The following PDE1C variants were observed in gnomAD, a reference collection of about 807,000 sequenced individuals.
The protein encoded by PDE1C is dual specificity calcium/calmodulin-dependent 3',5'-cyclic nucleotide phosphodiesterase 1C.
A neutral mutation model predicts 93.1 loss-of-function variants in PDE1C; 62 were observed. The observed-to-expected ratio is 0.67, with a 90% confidence interval of 0.54 to 0.82. PDE1C has a LOEUF of 0.82. Ranked by LOEUF, PDE1C falls within the 40% of genes least tolerant of loss-of-function variation. The pLI, the probability that PDE1C is intolerant of heterozygous loss-of-function variation, is 0.00. For missense variants in PDE1C, 742 were observed against 884.6 expected (o/e 0.84, Z 2.04); for synonymous variants, 325 against 310.1 (o/e 1.05, Z -0.50).
the PDE1C span, among the ~76,000 whole-genome samples, chr7:31,738,597 C>T: frequency 6.6e-6 from 1 of 152,134 alleles, no homozygotes; most frequent in African/African-American, 2.4e-5. Context: ...GAAAAGCAAC[C>T]CAGCTAGGAG....
chr7:31,944,964 C>T (rs974074432), intron 2 of PDE1C, among the ~76,000 whole-genome samples: 3 of 152,078 alleles, frequency 2.0e-5, no homozygotes, highest in South Asian at 2.1e-4. Flanking sequence ...CTGCTCTTTT[C>T]CTGTTGTTTT....
intron 5 of PDE1C, among the ~76,000 whole-genome samples, chr7:31,876,524 A>C (rs1796607373): frequency 6.6e-6 from 1 of 152,230 alleles, no homozygotes. Context: ...TCTTGGTACC[A>C]GTATACCCTC....
At chr7:31,855,926 T>G (rs183661171) in intron 7 of PDE1C, among the ~76,000 whole-genome samples, 35 of 152,056 alleles carry the variant, frequency 2.3e-4, no homozygotes, top group African/African-American at 8.4e-4. Flanking sequence ...GCTTAGAATC[T>G]AATGAACATC....
At chr7:31,797,064 C>T (rs1785390675) in intron 16 of PDE1C, among the ~76,000 whole-genome samples, 1 of 151,664 alleles carries the variant, frequency 6.6e-6, no homozygotes, top group South Asian at 2.1e-4. Flanking sequence ...TAGAAAACAC[C>T]TGCTAAACCA....
rs1192595367 is a variant in PDE1C, at chr7:32,178,227, C to A, written c.137-8271G>T. ...GCCAGAATCTAATCTGCTACTCATTCCTGCCTTAGAAGGATCACCATGGGC... is the reference window on the plus strand; with the variant it reads ...GCCAGAATCTAATCTGCTACTCATTACTGCCTTAGAAGGATCACCATGGGC... On this transcript the variant is annotated intron_variant, in intron 2 of 18. Transcript: ENST00000396193. Among the ~76,000 whole-genome samples the A allele has an allele frequency of 3.3e-5, 5 of 152,190 alleles. No individual in the cohort carries two copies. In the East Asian group the frequency reaches 7.7e-4, roughly 24 times the overall value.
chr7:31,918,361 C>A (rs1424794357), intron 2 of PDE1C, among the ~76,000 whole-genome samples: 3 of 152,154 alleles, frequency 2.0e-5, no homozygotes, highest in African/African-American at 7.2e-5. Flanking sequence ...AAATAGTATT[C>A]ATTTGTGTGT....
chr7:31,864,380 A>C lies in PDE1C; in HGVS notation c.750+562T>G, dbSNP rs1795030614. Among the ~76,000 whole-genome samples the C allele has an allele frequency of 2.0e-5, 3 of 152,224 alleles. No individual in the cohort carries two copies. In the South Asian group the frequency reaches 6.2e-4, roughly 32 times the overall value. ...TCTTAAAAAAAAATTTTTAAAGCAAAACCAAAAACATCTAAAGCGCTAAAA... is the reference window on the plus strand; with the variant it reads ...TCTTAAAAAAAAATTTTTAAAGCAACACCAAAAACATCTAAAGCGCTAAAA... On this transcript the variant is annotated intron_variant, in intron 7 of 17. Transcript: ENST00000396191.
intron 2 of PDE1C, among the ~76,000 whole-genome samples, chr7:31,979,107 T>C (rs1251497180): frequency 6.6e-6 from 1 of 152,192 alleles, no homozygotes; most frequent in Non-Finnish European, 1.5e-5. Context: ...TAATAAAACA[T>C]AGCCTTAGAA....
intron 3 of PDE1C, 72 bp from the exon 4 acceptor site, chr7:31,879,250 C>T (rs1198697343): frequency 3.8e-5 from 55 of 1,436,914 alleles, no homozygotes; most frequent in Non-Finnish European, 5.1e-5. Flanking sequence ...AAAGCAGCTG[C>T]TCCTCTCTGC....
At chr7:32,056,099 G>C (rs993657990) in intron 1 of PDE1C, among the ~76,000 whole-genome samples, 2 of 151,992 alleles carry the variant, frequency 1.3e-5, no homozygotes, top group Non-Finnish European at 2.9e-5. Flanking sequence ...CAAATCTCAA[G>C]ATTTCATGTA....
At chr7:32,135,173 C>G (rs1800134141) in intron 3 of PDE1C, among the ~76,000 whole-genome samples, 1 of 152,120 alleles carries the variant, frequency 6.6e-6, no homozygotes, top group African/African-American at 2.4e-5. Flanking sequence ...AACACTAAAA[C>G]ACCAAGGAAA....
intron 14 of PDE1C, among the ~76,000 whole-genome samples, chr7:31,816,629 A>G (rs1583454277): frequency 6.6e-6 from 1 of 152,184 alleles, no homozygotes; most frequent in Non-Finnish European, 1.5e-5. Flanking sequence ...CTGCAGCTTC[A>G]TGTGGGCTTG....
At chr7:31,651,292 AAAGT>A in the PDE1C span, 1 of 1,610,056 alleles carries the variant, frequency 6.2e-7, no homozygotes, top group Non-Finnish European at 8.5e-7. Context: ...GGGAGCCATA[AAAGT>A]AAGTACCAGC....
At chr7:32,208,225 T>C (rs1429037397) in intron 2 of PDE1C, among the ~76,000 whole-genome samples, 2 of 121,044 alleles carry the variant, frequency 1.7e-5, no homozygotes, top group Admixed American at 9.3e-5. Flanking sequence ...CAAAAAGAGC[T>C]GGGAGGCAGA....
chr7:32,126,065 G>A (rs1799561450), intron 3 of PDE1C, among the ~76,000 whole-genome samples: 1 of 151,982 alleles, frequency 6.6e-6, no homozygotes, highest in Non-Finnish European at 1.5e-5. Flanking sequence ...GATAACTTGA[G>A]GAATGAAACA....
At chr7:31,621,571 C>A in the PDE1C span, among the ~76,000 whole-genome samples, 288 of 147,648 alleles carry the variant, frequency 2.0e-3, 1 homozygote, top group African/African-American at 6.9e-3. Context: ...GATTTTGTCA[C>A]CACCAGGCCT....
chr7:31,874,111 T>C (rs1796260269), intron 5 of PDE1C, among the ~76,000 whole-genome samples: 1 of 152,184 alleles, frequency 6.6e-6, no homozygotes, highest in African/African-American at 2.4e-5. Context: ...CTGGAGTCAC[T>C]AGTCTGGGAT....
intron 2 of PDE1C, among the ~76,000 whole-genome samples, chr7:31,978,893 C>T (rs1390186598): frequency 2.0e-5 from 3 of 152,162 alleles, no homozygotes; most frequent in Non-Finnish European, 4.4e-5. Flanking sequence ...AGTTTCATCA[C>T]ATTCGGAAAG....
At chr7:32,253,563 G>A (rs17161083) in intron 1 of PDE1C, among the ~76,000 whole-genome samples, 2,900 of 152,234 alleles carry the variant, frequency 0.019, 48 homozygotes, top group South Asian at 0.068. Context: ...ATTTCCAAAG[G>A]GTCCTGATTA....
Sources: allele counts gnomAD v4.1 joint callset (sites outside exome capture counted in the v4.1 genomes callset), GRCh38; gene constraint gnomAD v4.1.1; transcripts MANE v1.5; gene names NCBI Gene and HGNC (gene_info 2026-07-23, HGNC 2026-07-21).